NCOA1: variants seen among roughly 807,000 people sequenced by gnomAD.
The protein encoded by NCOA1 is nuclear receptor coactivator 1, also known as Hin-2 protein.
In NCOA1, 35 loss-of-function variants were observed where a neutral mutation model predicts 150.9. That is an observed-to-expected ratio of 0.23 (90% confidence interval 0.18 to 0.31). The LOEUF is 0.31. Among genes scored for constraint, NCOA1 ranks in the 10% least tolerant of loss-of-function variants. The pLI is 1.00. For missense variants in NCOA1, 1,491 were observed against 1,749.3 expected (o/e 0.85, Z 2.63); for synonymous variants, 590 against 630.0 (o/e 0.94, Z 0.95).
intron 3 of NCOA1, among the ~76,000 whole-genome samples, chr2:24,640,191 G>T (rs1340078277): frequency 1.3e-5 from 2 of 151,738 alleles, no homozygotes; most frequent in South Asian, 2.1e-4. Flanking sequence ...TACCCTTTAA[G>T]ATTTCAATCT....
intron 20 of NCOA1, among the ~76,000 whole-genome samples, chr2:24,756,848 C>T (rs1460935751): frequency 6.6e-6 from 1 of 152,130 alleles, no homozygotes; most frequent in Non-Finnish European, 1.5e-5. Flanking sequence ...ACTGATTTTA[C>T]ATTTGAGATC....
chr2:24,551,598 A>G (rs1056087308), intron 1 of NCOA1, among the ~76,000 whole-genome samples: 1 of 152,204 alleles, frequency 6.6e-6, no homozygotes, highest in Non-Finnish European at 1.5e-5. Flanking sequence ...ATGTTATTTG[A>G]ATATAGCTGT....
At chr2:24,588,933 T>C (rs1057360672) in intron 3 of NCOA1, among the ~76,000 whole-genome samples, 1 of 152,244 alleles carries the variant, frequency 6.6e-6, no homozygotes, top group Non-Finnish European at 1.5e-5. Flanking sequence ...TTCCTTTTGA[T>C]GAACCCTGGT....
chr2:24,634,728 C>G (rs972152728), intron 3 of NCOA1, among the ~76,000 whole-genome samples: 2 of 130,962 alleles, frequency 1.5e-5, no homozygotes, highest in Non-Finnish European at 3.3e-5. Flanking sequence ...CCCCCGCCCC[C>G]GGAGACAAGA....
intron 5 of NCOA1, among the ~76,000 whole-genome samples, chr2:24,662,637 T>C (rs1224184548): frequency 6.6e-6 from 1 of 152,170 alleles, no homozygotes; most frequent in Non-Finnish European, 1.5e-5. Context: ...TTACATGTAT[T>C]CTCTTTTTTA....
intron 2 of NCOA1, among the ~76,000 whole-genome samples, chr2:24,577,461 A>G (rs1248244523): frequency 6.6e-6 from 1 of 152,326 alleles, no homozygotes; most frequent in Admixed American, 6.5e-5. Context: ...GATTGAGTGT[A>G]ATCGTCTTCC....
chr2:24,666,168 T>C (rs6708687), intron 6 of NCOA1, among the ~76,000 whole-genome samples: 6,254 of 151,636 alleles, frequency 0.041, 159 homozygotes, highest in East Asian at 0.13. Context: ...CCTGCCACTA[T>C]ACCTGGCTGA....
intron 3 of NCOA1, among the ~76,000 whole-genome samples, chr2:24,612,628 A>G (rs1668679687): frequency 6.6e-6 from 1 of 152,010 alleles, no homozygotes; most frequent in Non-Finnish European, 1.5e-5. Flanking sequence ...AGATCAGTTC[A>G]AAAGGGCAGT....
chr2:24,570,128 C>T (rs1249185381), intron 2 of NCOA1, among the ~76,000 whole-genome samples: 2 of 136,954 alleles, frequency 1.5e-5, no homozygotes, highest in South Asian at 2.3e-4. Flanking sequence ...TATATAATTT[C>T]TGGGTCCACG....
intron 17 of NCOA1, among the ~76,000 whole-genome samples, chr2:24,735,382 T>TA (rs1663245415): frequency 6.6e-6 from 1 of 152,144 alleles, no homozygotes; most frequent in Non-Finnish European, 1.5e-5. Context: ...TCTTCCCAAA[T>TA]ACAGGAGACT....
At chr2:24,679,065 C>T (rs1464009762) in intron 7 of NCOA1, among the ~76,000 whole-genome samples, 1 of 152,174 alleles carries the variant, frequency 6.6e-6, no homozygotes, top group Non-Finnish European at 1.5e-5. Context: ...CTTTGGTAGT[C>T]TCATTTAAAG....
At chr2:24,617,055 C>T (rs928992390) in intron 3 of NCOA1, among the ~76,000 whole-genome samples, 8 of 152,128 alleles carry the variant, frequency 5.3e-5, no homozygotes, top group Non-Finnish European at 7.4e-5. Flanking sequence ...CAAAAAGAGA[C>T]TTTATAATAC....
chr2:24,521,548 T>C (rs1664417724), intron 1 of NCOA1, among the ~76,000 whole-genome samples: 1 of 152,222 alleles, frequency 6.6e-6, no homozygotes, highest in African/African-American at 2.4e-5. Context: ...TCATCCATGT[T>C]GTCACAATTT....
chr2:24,607,581 T>C (rs1668428497), intron 3 of NCOA1, among the ~76,000 whole-genome samples: 1 of 151,416 alleles, frequency 6.6e-6, no homozygotes, highest in African/African-American at 2.4e-5. Context: ...TCCCAGCTAC[T>C]CCGGAGGCTG....
At chr2:24,506,734 C>G (rs1438941280) in intron 1 of NCOA1, among the ~76,000 whole-genome samples, 1 of 152,130 alleles carries the variant, frequency 6.6e-6, no homozygotes, top group East Asian at 1.9e-4. Context: ...TATCCACATA[C>G]TCTGCTGCCT....
chr2:24,685,417 A>G (rs956265199), intron 8 of NCOA1, among the ~76,000 whole-genome samples: 6 of 152,244 alleles, frequency 3.9e-5, no homozygotes, highest in Non-Finnish European at 8.8e-5. Context: ...TTATATTGTG[A>G]AAGGCTAAGA....
At chr2:24,630,802 A>T (rs1234468634) in intron 3 of NCOA1, among the ~76,000 whole-genome samples, 1 of 151,992 alleles carries the variant, frequency 6.6e-6, no homozygotes, top group Non-Finnish European at 1.5e-5. Context: ...CACTTTTTTT[A>T]AAGTGAAAGA....
intron 2 of NCOA1, among the ~76,000 whole-genome samples, chr2:24,573,068 A>G (rs1216222771): frequency 6.6e-6 from 1 of 152,158 alleles, no homozygotes; most frequent in Non-Finnish European, 1.5e-5. Flanking sequence ...TACTCAATTT[A>G]ACTTTTGTTA....
At chr2:24,715,001 CAG>C (rs1213484660) in intron 14 of NCOA1, among the ~76,000 whole-genome samples, 1 of 151,844 alleles carries the variant, frequency 6.6e-6, no homozygotes, top group Non-Finnish European at 1.5e-5. Context: ...CAAAATGACA[CAG>C]AGATGAAAAA....
Sources: allele counts gnomAD v4.1 joint callset (sites outside exome capture counted in the v4.1 genomes callset), GRCh38; gene constraint gnomAD v4.1.1; transcripts MANE v1.5; gene names NCBI Gene and HGNC (gene_info 2026-07-23, HGNC 2026-07-21).